The following AARS1 variants were observed in gnomAD, a reference collection of about 807,000 sequenced individuals.
AARS1 encodes alanine--tRNA ligase, cytoplasmic.
Under a neutral mutation model 108.9 loss-of-function variants are expected in AARS1, and 72 were observed. The ratio of observed to expected loss-of-function variants is 0.66; its 90% CI spans 0.55 to 0.80. The LOEUF is 0.80. AARS1 is among the 30% of genes least tolerant of loss of function. AARS1 has a pLI of 0.00. For synonymous variants in AARS1, 489 were observed against 465.7 expected, an observed-to-expected ratio of 1.05 and a Z score of -0.64; for missense variants, 1,193 against 1,233.2, an observed-to-expected ratio of 0.97 and a Z score of 0.49.
intron 11 of AARS1, among the ~76,000 whole-genome samples, chr16:70,263,713 C>T (rs1183748808): frequency 6.6e-6 from 1 of 152,084 alleles, no homozygotes; most frequent in Non-Finnish European, 1.5e-5. Context: ...TGGCTGACTG[C>T]AGCCTCTCAA....
chr16:70,285,450 C>CT (rs999328073), intron 1 of AARS1, among the ~76,000 whole-genome samples: 3 of 150,830 alleles, frequency 2.0e-5, no homozygotes, highest in Admixed American at 6.6e-5. Flanking sequence ...CAGTTAATTT[C>CT]TTTTTTTTTC....
intron 2 of AARS1, among the ~76,000 whole-genome samples, chr16:70,282,387 T>C (rs1446748287): frequency 7.0e-6 from 1 of 142,514 alleles, no homozygotes; most frequent in African/African-American, 2.6e-5. Flanking sequence ...ATGTGCGAAA[T>C]ACCGTGCTAA....
At chr16:70,275,714 G>C (rs1235298990) in intron 4 of AARS1, among the ~76,000 whole-genome samples, 1 of 151,748 alleles carries the variant, frequency 6.6e-6, no homozygotes, top group African/African-American at 2.4e-5. Context: ...AGTGAGCTGA[G>C]ATCGCGCCAC....
chr16:70,269,134 A>G (rs1177669120), intron 7 of AARS1, among the ~76,000 whole-genome samples: 1 of 151,316 alleles, frequency 6.6e-6, no homozygotes, highest in Non-Finnish European at 1.5e-5. Context: ...GACCAGCCTG[A>G]CCAACATGGA....
At chr16:70,258,758 G>T (rs1303483961) in intron 14 of AARS1, among the ~76,000 whole-genome samples, 1 of 152,110 alleles carries the variant, frequency 6.6e-6, no homozygotes, top group Admixed American at 6.6e-5. Context: ...GTAGAGACAG[G>T]GTTAGCCAGG....
At position 70,255,720 on chromosome 16, in the gene AARS1, C is replaced by T; in HGVS notation, c.2286+8G>A. ...CAGATAAGCCACAAACCAGCCTGACCTGCTCACCTTCTGGGCCTCGGCACC... is the reference window on the plus strand; with the variant it reads ...CAGATAAGCCACAAACCAGCCTGACTTGCTCACCTTCTGGGCCTCGGCACC... On this transcript the variant is annotated splice_region_variant and intron_variant, in intron 16 of 20. Transcript: ENST00000261772. The T allele has an allele frequency of 6.2e-7, 1 of 1,613,784 alleles. No homozygotes were observed. The highest frequency in any genetic ancestry group is 8.5e-7 in the Non-Finnish European group (1 of 1,179,688).
chr16:70,270,781 G>A (rs1457498703), intron 5 of AARS1, among the ~76,000 whole-genome samples: 7 of 148,044 alleles, frequency 4.7e-5, no homozygotes, highest in Non-Finnish European at 7.4e-5. Context: ...AGGTTGTGGT[G>A]AGCTGAGATT....
At chr16:70,266,081 A>T (rs923616491) in intron 9 of AARS1, among the ~76,000 whole-genome samples, 2 of 152,186 alleles carry the variant, frequency 1.3e-5, no homozygotes, top group Non-Finnish European at 2.9e-5. Context: ...TGGGAGGCCG[A>T]GGCGGGCGGA....
At position 70,262,318 on chromosome 16, in the gene AARS1, G is replaced by A. The variant is rs200971581; in HGVS notation, c.1671+28C>T. ...CCCGGCTCCACGCCTGGCCCTCCTC[G>A]GCTAACAAGGAAGAACTGTTGGCTC... On this transcript the variant is annotated intron_variant, in intron 12 of 20. Transcript: ENST00000261772. The A allele has an allele frequency of 1.6e-4, 252 of 1,613,908 alleles. No individual in the cohort carries two copies. The African/African-American group carries it at 3.0e-3, about 19-fold the overall frequency.
intron 15 of AARS1, 110 bp from the exon 16 acceptor site, chr16:70,255,946 C>T (rs1425412213): frequency 6.7e-6 from 7 of 1,044,986 alleles, no homozygotes; most frequent in Non-Finnish European, 1.0e-5. Flanking sequence ...TCAGGGAAAG[C>T]CTGGGCTTGA....
At chr16:70,286,604 G>C (rs1404836572) in intron 1 of AARS1, among the ~76,000 whole-genome samples, 1 of 152,052 alleles carries the variant, frequency 6.6e-6, no homozygotes, top group African/African-American at 2.4e-5. Flanking sequence ...TTGGGAGGTC[G>C]AGGCGGGTGG....
intron 19 of AARS1, 143 bp from the exon 20 acceptor site, chr16:70,253,524 C>A: frequency 9.7e-7 from 1 of 1,027,578 alleles, no homozygotes; most frequent in Non-Finnish European, 1.5e-6. Flanking sequence ...GGGGAGGACC[C>A]CAGCGCCGGG....
intron 9 of AARS1, among the ~76,000 whole-genome samples, chr16:70,265,989 T>A (rs934498145): frequency 2.0e-5 from 3 of 148,480 alleles, no homozygotes; most frequent in African/African-American, 7.5e-5. Context: ...CCATCCTGAC[T>A]AACATGGTGA....
chr16:70,276,858 C>T, intron 3 of AARS1, 108 bp downstream of exon 3: 1 of 1,342,542 alleles, frequency 7.4e-7, no homozygotes. Context: ...TCCTGAATCA[C>T]CTAGATGATA....
At chr16:70,255,172 G>C (rs1305669439) in intron 16 of AARS1, among the ~76,000 whole-genome samples, 1 of 151,184 alleles carries the variant, frequency 6.6e-6, no homozygotes, top group Non-Finnish European at 1.5e-5. Context: ...GGAGACAGGA[G>C]GGGGTAGATG....
chr16:70,253,760 T>C lies in AARS1; in HGVS notation c.2561A>G (p.Asn854Ser), dbSNP rs1465110369. 3 of 1,614,022 alleles carry C rather than the reference T, an allele frequency of 1.9e-6. No individual in the cohort carries two copies. Among genetic ancestry groups the C allele is most frequent in the African/African-American group, 2.7e-5 (2 of 74,918 alleles). The change falls in exon 19 of 21, where the codon AAC becomes AGC. Residue 854 changes from asparagine to serine, a missense_variant. By Grantham distance (46) the Asn-to-Ser change is conservative. Transcript: ENST00000261772. The stretch of plus-strand genomic sequence containing the variant: ...CATCTCCAGGATGACAAGAGGCTGG[T>C]TGGGGTTGCTGTCGATGAACTGCTT... Reference protein sequence around the residue: ...KTKQFIDSNPNQPLVILEMES... With the variant: ...KTKQFIDSNPSQPLVILEMES...
chr16:70,268,175 A>G, intron 8 of AARS1, 96 bp downstream of exon 8: 1 of 1,177,096 alleles, frequency 8.5e-7, no homozygotes, highest in South Asian at 1.3e-5. Flanking sequence ...CTCAAAAAAC[A>G]GCAACAAAAA....
chr16:70,275,001 T>C (rs1960502452), intron 4 of AARS1, among the ~76,000 whole-genome samples: 1 of 152,054 alleles, frequency 6.6e-6, no homozygotes, highest in South Asian at 2.1e-4. Flanking sequence ...GGCTCACATC[T>C]GTAATCCTAG....
chr16:70,264,057 C>A (rs1960208013), intron 11 of AARS1, among the ~76,000 whole-genome samples: 1 of 151,280 alleles, frequency 6.6e-6, no homozygotes, highest in South Asian at 2.1e-4. Flanking sequence ...ACCTGCCTGG[C>A]AAACATGGTG....
Sources: gnomAD v4.1 joint callset for allele counts (sites outside exome capture counted in the v4.1 genomes callset) on GRCh38, gnomAD v4.1.1 for gene constraint, MANE v1.5 for transcripts, NCBI Gene and HGNC (gene_info 2026-07-23, HGNC 2026-07-21) for gene names.